Variants in CCDC85A observed in about 807,000 individuals in gnomAD.
CCDC85A encodes coiled-coil domain-containing protein 85A.
CCDC85A carries 38 observed loss-of-function variants against 50.2 expected under a neutral mutation model. The observed-to-expected ratio is 0.76, with a 90% CI of 0.58 to 0.99. The LOEUF is 0.99. CCDC85A is among the 50% of genes least tolerant of loss of function. CCDC85A has a pLI of 0.00. For synonymous variants in CCDC85A, 366 were observed against 301.4 expected (o/e 1.21, Z -2.22); for missense variants, 820 against 742.0 (o/e 1.11, Z -1.22).
chr2:56,284,131 A>C (rs1302586837), intron 2 of CCDC85A, among the ~76,000 whole-genome samples: 2 of 151,894 alleles, frequency 1.3e-5, no homozygotes, highest in Admixed American at 6.6e-5. Context: ...GTTATTTACA[A>C]ATGTGTTGTT....
chr2:56,280,583 C>G (rs1236192775), intron 2 of CCDC85A, among the ~76,000 whole-genome samples: 1 of 152,114 alleles, frequency 6.6e-6, no homozygotes, highest in Non-Finnish European at 1.5e-5. Flanking sequence ...CACATCAAAT[C>G]CAACACTCCA....
chr2:56,269,067 C>A (rs1241143890), intron 2 of CCDC85A, among the ~76,000 whole-genome samples: 1 of 152,086 alleles, frequency 6.6e-6, no homozygotes, highest in African/African-American at 2.4e-5. Flanking sequence ...TTGTTTTCTC[C>A]TTTCTTACCT....
chr2:56,327,831 CAAAAAAAA>C (rs70955016), intron 2 of CCDC85A, among the ~76,000 whole-genome samples: 10 of 93,262 alleles, frequency 1.1e-4, no homozygotes, highest in South Asian at 3.7e-4. Flanking sequence ...TAGAGTAAGG[CAAAAAAAA>C]AAAAAAAAAA....
intron 2 of CCDC85A, among the ~76,000 whole-genome samples, chr2:56,313,240 T>C (rs1425315161): frequency 6.6e-6 from 1 of 152,166 alleles, no homozygotes; most frequent in African/African-American, 2.4e-5. Flanking sequence ...ATGTAAGACT[T>C]TAAGTAATAT....
chr2:56,343,494 A>G (rs1674477913), intron 3 of CCDC85A, among the ~76,000 whole-genome samples: 1 of 152,212 alleles, frequency 6.6e-6, no homozygotes, highest in Non-Finnish European at 1.5e-5. Context: ...CCTTAATTAA[A>G]GTAAAGTGGC....
chr2:56,266,879 A>T (rs1371013385), intron 2 of CCDC85A, among the ~76,000 whole-genome samples: 2 of 152,168 alleles, frequency 1.3e-5, no homozygotes, highest in Non-Finnish European at 2.9e-5. Flanking sequence ...TTAGCAGTAA[A>T]TTAAGGCTGA....
intron 2 of CCDC85A, among the ~76,000 whole-genome samples, chr2:56,242,495 ACAACCAGATCT>A (rs1456251027): frequency 6.6e-6 from 1 of 152,112 alleles, no homozygotes; most frequent in African/African-American, 2.4e-5. Context: ...ACACTTTTAC[ACAACCAGATCT>A]CATGTGAAAT....
At chr2:56,238,993 G>T (rs1178252883) in intron 2 of CCDC85A, among the ~76,000 whole-genome samples, 2 of 152,046 alleles carry the variant, frequency 1.3e-5, no homozygotes, top group East Asian at 3.9e-4. Context: ...ACTTATCCAA[G>T]AATATAAAGG....
chr2:56,209,420 C>T (rs1357867233), intron 2 of CCDC85A, among the ~76,000 whole-genome samples: 3 of 141,090 alleles, frequency 2.1e-5, no homozygotes, highest in African/African-American at 5.2e-5. Context: ...AAGTCTGTTC[C>T]TTTTTTTTTT....
chr2:56,294,441 A>G (rs1409316476), intron 2 of CCDC85A, among the ~76,000 whole-genome samples: 2 of 152,182 alleles, frequency 1.3e-5, no homozygotes, highest in African/African-American at 4.8e-5. Flanking sequence ...CCATAACTTA[A>G]ATAAAATTTT....
At chr2:56,263,861 C>T (rs932869580) in intron 2 of CCDC85A, among the ~76,000 whole-genome samples, 5 of 152,168 alleles carry the variant, frequency 3.3e-5, no homozygotes, top group Non-Finnish European at 7.3e-5. Flanking sequence ...GGTTTTAGTC[C>T]TTGGCCTTCT....
intron 3 of CCDC85A, among the ~76,000 whole-genome samples, chr2:56,345,033 C>G (rs1402039271): frequency 1.3e-5 from 2 of 152,022 alleles, no homozygotes; most frequent in Non-Finnish European, 2.9e-5. Flanking sequence ...TCAGAAGAGT[C>G]CTTAACTATA....
intron 2 of CCDC85A, among the ~76,000 whole-genome samples, chr2:56,338,911 A>T (rs1674217312): frequency 6.6e-6 from 1 of 152,202 alleles, no homozygotes; most frequent in Admixed American, 6.5e-5. Flanking sequence ...GAAACAAAAC[A>T]GCCTGAGTAC....
intron 3 of CCDC85A, among the ~76,000 whole-genome samples, chr2:56,358,221 G>A (rs190398548): frequency 6.6e-6 from 1 of 152,276 alleles, no homozygotes; most frequent in East Asian, 1.9e-4. Context: ...CAGATCCCAG[G>A]AAACCTGGGC....
Position 56,293,988 on chromosome 2 carries a change from A to G in CCDC85A, c.1241-48891A>G, listed in dbSNP as rs527728650. 3.3e-5 allele frequency among the ~76,000 whole-genome samples: 5 copies of G among 152,354 alleles called. No individual in the cohort carries two copies. The East Asian group carries it at 9.6e-4, about 29-fold the overall frequency. ...CCAAAGGAATATAAATCATTCTGCT[A>G]TAAAGATACATATACACTTATGTTT... is the stretch of plus-strand genomic sequence containing the variant. On this transcript the variant is annotated intron_variant, in intron 2 of 5. Coordinates refer to ENST00000407595, the MANE Select transcript of CCDC85A (RefSeq NM_001080433.2).
intron 5 of CCDC85A, among the ~76,000 whole-genome samples, chr2:56,377,836 C>T (rs900766644): frequency 6.7e-6 from 1 of 149,892 alleles, no homozygotes; most frequent in Admixed American, 6.7e-5. Flanking sequence ...TGCAGTGAGC[C>T]GAGATCGTGC....
At chr2:56,268,932 A>G (rs1260484953) in intron 2 of CCDC85A, among the ~76,000 whole-genome samples, 1 of 152,168 alleles carries the variant, frequency 6.6e-6, no homozygotes, top group African/African-American at 2.4e-5. Flanking sequence ...AATGCTGCGT[A>G]CATTTTTAGG....
At chr2:56,367,382 C>G (rs1675848751) in intron 3 of CCDC85A, among the ~76,000 whole-genome samples, 2 of 152,130 alleles carry the variant, frequency 1.3e-5, no homozygotes, top group African/African-American at 2.4e-5. Context: ...GAGTTTCCTT[C>G]TAAATCCTTT....
At chr2:56,341,784 C>T (rs530921409) in intron 2 of CCDC85A, among the ~76,000 whole-genome samples, 1 of 152,046 alleles carries the variant, frequency 6.6e-6, no homozygotes, top group African/African-American at 2.4e-5. Context: ...TCCTGGTTTA[C>T]CTAAAGATGT....
Sources: allele counts gnomAD v4.1 joint callset (sites outside exome capture counted in the v4.1 genomes callset), GRCh38; gene constraint gnomAD v4.1.1; transcripts MANE v1.5; gene names NCBI Gene and HGNC (gene_info 2026-07-23, HGNC 2026-07-21).